Variants in CNKSR3 observed in about 807,000 individuals in gnomAD.
The protein encoded by CNKSR3 is CNKSR family member 3.
CNKSR3 carries 36 observed loss-of-function variants against 67.7 expected under a neutral mutation model. The observed-to-expected ratio is 0.53, with a 90% CI of 0.41 to 0.70. The LOEUF (loss-of-function observed/expected upper bound fraction) is 0.70. Among genes scored for constraint, CNKSR3 ranks in the 30% least tolerant of loss-of-function variants. The pLI, the probability that CNKSR3 is intolerant of heterozygous loss-of-function variation, is 0.00. For missense variants in CNKSR3, 630 were observed against 695.2 expected (o/e 0.91, Z 1.05); for synonymous variants, 281 against 271.4 (o/e 1.04, Z -0.35).
intron 1 of CNKSR3, among the ~76,000 whole-genome samples, chr6:154,485,768 A>G (rs1380188673): frequency 1.3e-5 from 2 of 152,224 alleles, no homozygotes; most frequent in Non-Finnish European, 2.9e-5. Context: ...AACTCTGGTG[A>G]CTAAGGAACA....
At chr6:154,432,073 A>G (rs944572850) in intron 5 of CNKSR3, among the ~76,000 whole-genome samples, 3 of 152,230 alleles carry the variant, frequency 2.0e-5, no homozygotes, top group Non-Finnish European at 4.4e-5. Flanking sequence ...GTTTTGTAAG[A>G]AACTTCCAAA....
chr6:154,406,577 T>A lies in CNKSR3; in HGVS notation c.1445A>T (p.Tyr482Phe), dbSNP rs1172609775. Residue 482 changes from tyrosine to phenylalanine, a missense_variant, in exon 13 of 13, where the codon TAC becomes TTC. Coordinates refer to ENST00000607772, the MANE Select transcript of CNKSR3 (RefSeq NM_173515.4). Reference sequence around the variant, plus strand: ...CTCGGTCGTGGGTCTGGAGAACCGGTATGGGGGAGAGGAGCTCTCTTCAAT... The same window carrying A: ...CTCGGTCGTGGGTCTGGAGAACCGGAATGGGGGAGAGGAGCTCTCTTCAAT... Reference protein sequence around the residue: ...PIIEESSSPPYRFSRPTTERH... With the variant: ...PIIEESSSPPFRFSRPTTERH... The A allele has an allele frequency of 4.3e-6, 7 of 1,613,990 alleles. No homozygotes were observed. The highest frequency in any genetic ancestry group is 5.9e-6 in the Non-Finnish European group (7 of 1,180,016).
At position 154,406,294 on chromosome 6, in the gene CNKSR3, C is replaced by T; in HGVS notation, c.*60G>A. On this transcript the variant is annotated 3_prime_UTR_variant, in exon 13 of 13. Transcript: ENST00000607772. ...GAGGCTGAAACGAGAAGAGGCTGTC[C>T]ACTGTAAAAGCAAGGCACTTGGGGC... The T allele has an allele frequency of 6.8e-7, 1 of 1,478,800 alleles. No individual in the cohort carries two copies. The highest frequency in any genetic ancestry group is 9.2e-7 in the Non-Finnish European group (1 of 1,087,464). 91.6% of individuals were successfully genotyped at this position (1,478,800 alleles called of 1,614,324 possible).
At chr6:154,460,348 G>A (rs115991401) in intron 1 of CNKSR3, among the ~76,000 whole-genome samples, 3,613 of 152,226 alleles carry the variant, frequency 0.024, 76 homozygotes, top group African/African-American at 0.052. Flanking sequence ...CTGAGGGCAG[G>A]GAAGAAACAC....
intron 4 of CNKSR3, among the ~76,000 whole-genome samples, chr6:154,434,233 T>C (rs1045722144): frequency 3.9e-5 from 6 of 152,186 alleles, no homozygotes; most frequent in African/African-American, 1.4e-4. Context: ...GCTGCCAAAG[T>C]GAAATTGCCA....
intron 12 of CNKSR3, among the ~76,000 whole-genome samples, chr6:154,406,989 C>G (rs1049270972): frequency 3.3e-5 from 5 of 151,408 alleles, no homozygotes; most frequent in African/African-American, 1.2e-4. Context: ...ATCCCCTACA[C>G]AGTGCTCTTT....
chr6:154,438,720 G>A (rs746038984), intron 4 of CNKSR3, among the ~76,000 whole-genome samples: 5 of 152,110 alleles, frequency 3.3e-5, no homozygotes, highest in African/African-American at 9.7e-5. Flanking sequence ...AAATGAATGC[G>A]GAAACAAACA....
chr6:154,448,037 T>C (rs1785742910), intron 2 of CNKSR3, among the ~76,000 whole-genome samples: 1 of 152,118 alleles, frequency 6.6e-6, no homozygotes, highest in South Asian at 2.1e-4. Context: ...CTGTCCAATG[T>C]AGTCACTGGC....
chr6:154,454,838 T>A (rs998915219), intron 1 of CNKSR3, among the ~76,000 whole-genome samples: 1 of 151,606 alleles, frequency 6.6e-6, no homozygotes. Context: ...AAAAAAATAA[T>A]AATAAAATTT....
chr6:154,494,265 G>A (rs1223096905), intron 1 of CNKSR3, among the ~76,000 whole-genome samples: 1 of 151,954 alleles, frequency 6.6e-6, no homozygotes, highest in Non-Finnish European at 1.5e-5. Context: ...GAAGGGGGAC[G>A]CCCCTTATAA....
chr6:154,475,974 G>A (rs1786437736), intron 1 of CNKSR3, among the ~76,000 whole-genome samples: 1 of 151,918 alleles, frequency 6.6e-6, no homozygotes, highest in South Asian at 2.1e-4. Flanking sequence ...GCTTGGGGGT[G>A]TTGTTTTTAC....
intron 2 of CNKSR3, among the ~76,000 whole-genome samples, chr6:154,446,501 T>G (rs1227290450): frequency 6.6e-6 from 1 of 152,238 alleles, no homozygotes; most frequent in Admixed American, 6.5e-5. Context: ...AAATTCCTGT[T>G]CCTGCATTTC....
At position 154,415,729 on chromosome 6, in the gene CNKSR3, T is replaced by C. The variant is rs529048785; in HGVS notation, c.946-1306A>G. ...ATACCGTTTATTTTAGTACTATTTA[T>C]ACATATATGCATTCATATATACGAG... On this transcript the variant is annotated intron_variant, in intron 9 of 12. Coordinates refer to ENST00000607772, the MANE Select transcript of CNKSR3 (RefSeq NM_173515.4). 2.0e-5 allele frequency among the ~76,000 whole-genome samples: 3 copies of C among 152,338 alleles called. 1 individual carries two copies. In the South Asian group the frequency reaches 6.2e-4, roughly 32 times the overall value.
At chr6:154,481,087 C>T (rs1025756838) in intron 1 of CNKSR3, among the ~76,000 whole-genome samples, 47 of 143,236 alleles carry the variant, frequency 3.3e-4, no homozygotes, top group Middle Eastern at 5.0e-3. Flanking sequence ...TATGCTTATT[C>T]GATATTTATT....
At chr6:154,438,365 G>A (rs768179984) in intron 4 of CNKSR3, among the ~76,000 whole-genome samples, 3 of 151,768 alleles carry the variant, frequency 2.0e-5, no homozygotes, top group South Asian at 2.1e-4. Flanking sequence ...AGGATGATGC[G>A]TGTTTTATAT....
chr6:154,509,417 G>A (rs888477137), intron 1 of CNKSR3, among the ~76,000 whole-genome samples: 1 of 151,824 alleles, frequency 6.6e-6, no homozygotes, highest in African/African-American at 2.4e-5. Context: ...CATGTGGCCT[G>A]AAAATGCAGC....
intron 6 of CNKSR3, 85 bp from the exon 7 acceptor site, chr6:154,428,272 A>G: frequency 1.2e-6 from 1 of 834,366 alleles, no homozygotes; most frequent in Non-Finnish European, 2.1e-6. Flanking sequence ...ATAAAACATT[A>G]ACAACAGTCC....
chr6:154,418,905 G>C (rs1562323007), intron 9 of CNKSR3, among the ~76,000 whole-genome samples: 2 of 143,218 alleles, frequency 1.4e-5, no homozygotes, highest in African/African-American at 5.2e-5. Context: ...CCATACATCA[G>C]ATAAGGGGTT....
intron 1 of CNKSR3, among the ~76,000 whole-genome samples, chr6:154,465,719 G>C (rs1786183909): frequency 6.6e-6 from 1 of 152,168 alleles, no homozygotes. Context: ...CTTACTGTCT[G>C]TGACTGCCAT....
Sources: gnomAD v4.1 joint callset for allele counts (sites outside exome capture counted in the v4.1 genomes callset) on GRCh38, gnomAD v4.1.1 for gene constraint, MANE v1.5 for transcripts, NCBI Gene and HGNC (gene_info 2026-07-23, HGNC 2026-07-21) for gene names.